Variants in ZNF423 observed in about 807,000 individuals in gnomAD.
ZNF423 encodes Ebf-associated zinc finger protein.
ZNF423 carries 12 observed loss-of-function variants against 95.8 expected under a neutral mutation model. The ratio of observed to expected loss-of-function variants is 0.13; its 90% CI spans 0.08 to 0.20. The LOEUF (loss-of-function observed/expected upper bound fraction) is 0.20, where lower values mean the gene tolerates loss of function less well. Among genes scored for constraint, ZNF423 ranks in the 10% least tolerant of loss-of-function variants. The probability of loss-of-function intolerance (pLI) is 1.00; values close to 1 mark genes in which losing one functional copy is unlikely to be tolerated. For synonymous variants in ZNF423, 749 were observed against 711.9 expected, an observed-to-expected ratio of 1.05 and a Z score of -0.83; for missense variants, 1,316 against 1,737.1, an observed-to-expected ratio of 0.76 and a Z score of 4.31.
In ZNF423 at chr16:49,654,652, G is replaced by A. The variant is rs748581515; in HGVS notation, c.302-15778C>T. ...CACTGATCTGTGTTCTTCCAAACAT[G>A]GGCTACCTCCCATTGGTAGGACCCG... On this transcript the variant is annotated intron_variant, in intron 3 of 7. Transcript: ENST00000563137. Among the ~76,000 whole-genome samples the A allele has an allele frequency of 3.3e-5, 5 of 152,354 alleles. No individual in the cohort carries two copies. In the South Asian group the frequency reaches 1.0e-3, roughly 32 times the overall value.
chr16:49,647,815 C>T (rs1393923330), intron 3 of ZNF423, among the ~76,000 whole-genome samples: 1 of 152,176 alleles, frequency 6.6e-6, no homozygotes, highest in Non-Finnish European at 1.5e-5. Context: ...TTGTTTTAAG[C>T]CACTGTGCTT....
intron 3 of ZNF423, among the ~76,000 whole-genome samples, chr16:49,705,249 T>C (rs2032312716): frequency 6.6e-6 from 1 of 152,168 alleles, no homozygotes; most frequent in Admixed American, 6.5e-5. Context: ...GGTCACAGCA[T>C]GGCAGGTGGA....
chr16:49,511,566 A>G (rs920010962), intron 7 of ZNF423, among the ~76,000 whole-genome samples: 3 of 152,196 alleles, frequency 2.0e-5, no homozygotes, highest in Admixed American at 2.0e-4. Flanking sequence ...GTTCCCAGTA[A>G]GCACTCAGGA....
At chr16:49,555,024 A>C (rs954239858) in intron 5 of ZNF423, among the ~76,000 whole-genome samples, 3 of 152,134 alleles carry the variant, frequency 2.0e-5, no homozygotes, top group African/African-American at 7.2e-5. Context: ...GATGTAGACA[A>C]CTCACCAAGG....
intron 5 of ZNF423, among the ~76,000 whole-genome samples, chr16:49,530,613 T>C (rs921262287): frequency 6.6e-6 from 1 of 152,026 alleles, no homozygotes; most frequent in African/African-American, 2.4e-5. Context: ...TGCGGTAGGG[T>C]GGGAGTGCTG....
At chr16:49,742,439 A>C (rs968814595) in intron 2 of ZNF423, among the ~76,000 whole-genome samples, 5 of 152,098 alleles carry the variant, frequency 3.3e-5, no homozygotes, top group African/African-American at 1.2e-4. Context: ...TAATGGTGTC[A>C]CTCCTCCAAG....
intron 1 of ZNF423, among the ~76,000 whole-genome samples, chr16:49,792,018 A>AG (rs761702917): frequency 1.4e-4 from 20 of 138,304 alleles, no homozygotes; most frequent in African/African-American, 5.1e-4. Context: ...AAAAAAAAAA[A>AG]AAAGAAAGAA....
At chr16:49,673,470 G>A (rs1263708491) in intron 3 of ZNF423, among the ~76,000 whole-genome samples, 3 of 152,240 alleles carry the variant, frequency 2.0e-5, no homozygotes, top group Non-Finnish European at 4.4e-5. Context: ...TGGACTGCGG[G>A]TGCTTGTTAA....
chr16:49,809,414 C>T (rs745743966), intron 1 of ZNF423, among the ~76,000 whole-genome samples: 58 of 152,292 alleles, frequency 3.8e-4, no homozygotes, highest in Admixed American at 8.5e-4. Context: ...CTCCAGCGGG[C>T]GGCAGCAGGT....
chr16:49,714,611 A>C (rs1239618445), intron 3 of ZNF423, among the ~76,000 whole-genome samples: 5 of 128,122 alleles, frequency 3.9e-5, no homozygotes, highest in East Asian at 2.3e-4. Context: ...TCGCCACTGC[A>C]CTCCAGCCTG....
intron 2 of ZNF423, among the ~76,000 whole-genome samples, chr16:49,778,375 G>T (rs549199676): frequency 6.6e-6 from 1 of 152,300 alleles, no homozygotes; most frequent in Admixed American, 6.5e-5. Flanking sequence ...GCCAACACAC[G>T]CCAGGTGGTG....
At chr16:49,824,810 G>C (rs1056460725) in intron 1 of ZNF423, among the ~76,000 whole-genome samples, 1 of 152,162 alleles carries the variant, frequency 6.6e-6, no homozygotes, top group Admixed American at 6.5e-5. Flanking sequence ...GCCCAGAAAA[G>C]GACGAGATTC....
At chr16:49,769,395 A>AAGAG (rs1441083876) in intron 2 of ZNF423, among the ~76,000 whole-genome samples, 1 of 145,296 alleles carries the variant, frequency 6.9e-6, no homozygotes, top group Non-Finnish European at 1.5e-5. Flanking sequence ...GAAAGAAAGA[A>AAGAG]AAGGCAAGAA....
chr16:49,649,491 G>C (rs1426143731), intron 3 of ZNF423, among the ~76,000 whole-genome samples: 1 of 152,102 alleles, frequency 6.6e-6, no homozygotes, highest in Non-Finnish European at 1.5e-5. Context: ...CACATATTTA[G>C]GATGCCTGCT....
At chr16:49,724,506 A>G (rs948835128) in intron 3 of ZNF423, among the ~76,000 whole-genome samples, 1 of 152,212 alleles carries the variant, frequency 6.6e-6, no homozygotes. Flanking sequence ...ACACTGCACG[A>G]CCAAAACAGA....
chr16:49,701,018 A>G (rs1038431698), intron 3 of ZNF423, among the ~76,000 whole-genome samples: 1 of 152,220 alleles, frequency 6.6e-6, no homozygotes, highest in Admixed American at 6.5e-5. Context: ...TAGCTCTCTC[A>G]ATGTTATTTT....
At chr16:49,838,220 C>G (rs1323454210) in intron 1 of ZNF423, among the ~76,000 whole-genome samples, 4 of 152,214 alleles carry the variant, frequency 2.6e-5, no homozygotes, top group Non-Finnish European at 5.9e-5. Flanking sequence ...CAGCCCACCA[C>G]GCAGGCCTGG....
chr16:49,612,836 A>G (rs9929877), intron 5 of ZNF423, among the ~76,000 whole-genome samples: 34,110 of 152,134 alleles, frequency 0.22, 4,300 homozygotes, highest in African/African-American at 0.34. Context: ...CAAGCAATAC[A>G]AAAATGAACA....
At chr16:49,813,004 C>G (rs2034778064) in intron 1 of ZNF423, among the ~76,000 whole-genome samples, 1 of 152,076 alleles carries the variant, frequency 6.6e-6, no homozygotes, top group Non-Finnish European at 1.5e-5. Flanking sequence ...ACTTAAACCC[C>G]CTGCCACACC....
Sources: gnomAD v4.1 joint callset for allele counts (sites outside exome capture counted in the v4.1 genomes callset) on GRCh38, gnomAD v4.1.1 for gene constraint, MANE v1.5 for transcripts, NCBI Gene and HGNC (gene_info 2026-07-23, HGNC 2026-07-21) for gene names.